Variants in ABCA13 observed in about 807,000 individuals in gnomAD.
ABCA13 encodes ATP binding cassette subfamily A member 13, also known as ATP-binding cassette sub-family A member 13.
A neutral mutation model predicts 478.7 loss-of-function variants in ABCA13; 476 were observed. That is an observed-to-expected ratio of 0.99 (90% CI 0.92 to 1.07). The LOEUF is 1.07. Ranked by LOEUF, ABCA13 falls within the 50% of genes least tolerant of loss-of-function variation. The pLI, the probability that ABCA13 is intolerant of heterozygous loss-of-function variation, is 0.00. For missense variants in ABCA13, 6,060 were observed against 5,910.6 expected (o/e 1.03, Z -0.83); for synonymous variants, 2,252 against 2,158.9 (o/e 1.04, Z -1.20).
chr7:48,595,246 C>G (rs949768919), intron 58 of ABCA13, among the ~76,000 whole-genome samples: 1 of 152,144 alleles, frequency 6.6e-6, no homozygotes, highest in Non-Finnish European at 1.5e-5. Flanking sequence ...TTTTCTTTAT[C>G]ACAGAATTAA....
At chr7:48,387,204 TG>T (rs2129050687) in intron 35 of ABCA13, among the ~76,000 whole-genome samples, 1 of 152,212 alleles carries the variant, frequency 6.6e-6, no homozygotes, top group African/African-American at 2.4e-5. Flanking sequence ...TAAACTAGAA[TG>T]GATGTGTTAA....
At chr7:48,509,697 G>C (rs998552673) in intron 50 of ABCA13, among the ~76,000 whole-genome samples, 1 of 152,028 alleles carries the variant, frequency 6.6e-6, no homozygotes. Flanking sequence ...ATATTTTTGA[G>C]GATCTGTTGT....
intron 1 of ABCA13, among the ~76,000 whole-genome samples, chr7:48,175,763 T>TA (rs1794772426): frequency 6.6e-6 from 1 of 152,202 alleles, no homozygotes; most frequent in Non-Finnish European, 1.5e-5. Flanking sequence ...CCTATAGTCA[T>TA]ATAGAGCACT....
intron 5 of ABCA13, among the ~76,000 whole-genome samples, chr7:48,223,513 C>T (rs896679817): frequency 3.3e-5 from 5 of 152,006 alleles, no homozygotes; most frequent in African/African-American, 1.2e-4. Flanking sequence ...TGGGGATGAT[C>T]CATTGTCTCA....
At chr7:48,318,857 ATAT>A (rs1210925412) in intron 27 of ABCA13, among the ~76,000 whole-genome samples, 6 of 152,154 alleles carry the variant, frequency 3.9e-5, no homozygotes, top group Admixed American at 6.5e-5. Flanking sequence ...ATGATATGCT[ATAT>A]TATTATGTTA....
intron 42 of ABCA13, among the ~76,000 whole-genome samples, chr7:48,437,111 T>G (rs1377390822): frequency 1.3e-5 from 2 of 151,970 alleles, no homozygotes; most frequent in Non-Finnish European, 2.9e-5. Flanking sequence ...TTATTGAGAG[T>G]GAGGTATTGA....
intron 1 of ABCA13, among the ~76,000 whole-genome samples, chr7:48,191,497 G>A (rs1354827001): frequency 1.3e-5 from 2 of 152,162 alleles, no homozygotes; most frequent in African/African-American, 2.4e-5. Flanking sequence ...TCCACCTCCC[G>A]GGTTCAAGTG....
chr7:48,460,554 C>T (rs1256295544), intron 43 of ABCA13, among the ~76,000 whole-genome samples: 2 of 152,196 alleles, frequency 1.3e-5, no homozygotes, highest in Non-Finnish European at 2.9e-5. Flanking sequence ...CACTCTAATC[C>T]TGTATGAACT....
chr7:48,370,131 A>G (rs1812406697), intron 32 of ABCA13, among the ~76,000 whole-genome samples: 1 of 151,760 alleles, frequency 6.6e-6, no homozygotes, highest in Non-Finnish European at 1.5e-5. Context: ...ATTCCTAAGT[A>G]TTTTATTTTA....
At chr7:48,343,499 A>T (rs898448007) in intron 29 of ABCA13, among the ~76,000 whole-genome samples, 1 of 152,162 alleles carries the variant, frequency 6.6e-6, no homozygotes, top group Non-Finnish European at 1.5e-5. Context: ...AGGATCAAAT[A>T]CCAGGCTTCC....
chr7:48,175,122 T>A (rs2128852314), intron 1 of ABCA13, among the ~76,000 whole-genome samples: 1 of 152,362 alleles, frequency 6.6e-6, no homozygotes, highest in Non-Finnish European at 1.5e-5. Context: ...TTGGCAAATA[T>A]TCAGTGGCTT....
intron 7 of ABCA13, among the ~76,000 whole-genome samples, chr7:48,232,744 A>C (rs751168262): frequency 6.6e-6 from 1 of 152,198 alleles, no homozygotes; most frequent in Admixed American, 6.5e-5. Context: ...AGTATGCTAC[A>C]CTGATGTCAC....
At chr7:48,320,929 G>A (rs992766508) in intron 27 of ABCA13, among the ~76,000 whole-genome samples, 1 of 152,160 alleles carries the variant, frequency 6.6e-6, no homozygotes, top group African/African-American at 2.4e-5. Context: ...ATTTGGAAGT[G>A]GAAAAAATAC....
At chr7:48,365,047 T>A (rs1811461723) in intron 31 of ABCA13, among the ~76,000 whole-genome samples, 1 of 152,184 alleles carries the variant, frequency 6.6e-6, no homozygotes, top group Non-Finnish European at 1.5e-5. Context: ...GGGTTTTCCC[T>A]TTTCTCCAAA....
intron 35 of ABCA13, among the ~76,000 whole-genome samples, chr7:48,383,347 C>G (rs747954507): frequency 1.5e-4 from 23 of 152,164 alleles, no homozygotes; most frequent in Non-Finnish European, 3.4e-4. Context: ...GTGTGAATGC[C>G]TGTGTGTGTG....
At chr7:48,634,837 C>T (rs916435098) in intron 59 of ABCA13, among the ~76,000 whole-genome samples, 1 of 152,102 alleles carries the variant, frequency 6.6e-6, no homozygotes, top group Non-Finnish European at 1.5e-5. Context: ...CCTTCATTTT[C>T]ATTCATCTCA....
intron 54 of ABCA13, among the ~76,000 whole-genome samples, chr7:48,526,591 G>A (rs1563395548): frequency 6.6e-6 from 1 of 152,074 alleles, no homozygotes; most frequent in African/African-American, 2.4e-5. Flanking sequence ...AAACCTACAT[G>A]GTATAGCCTA....
intron 29 of ABCA13, among the ~76,000 whole-genome samples, chr7:48,349,403 C>T (rs1808593950): frequency 6.6e-6 from 1 of 152,232 alleles, no homozygotes; most frequent in African/African-American, 2.4e-5. Flanking sequence ...TGTTCTCATC[C>T]ATCTGAAGTT....
intron 55 of ABCA13, among the ~76,000 whole-genome samples, chr7:48,568,158 C>T (rs1787265741): frequency 6.6e-6 from 1 of 152,000 alleles, no homozygotes; most frequent in Admixed American, 6.6e-5. Flanking sequence ...GAAAAGAAAC[C>T]CTATACCAAT....
Sources: gnomAD v4.1 joint callset for allele counts (sites outside exome capture counted in the v4.1 genomes callset) on GRCh38, gnomAD v4.1.1 for gene constraint, MANE v1.5 for transcripts, NCBI Gene and HGNC (gene_info 2026-07-23, HGNC 2026-07-21) for gene names.